The following C10orf90 variants were observed in gnomAD, a reference collection of about 807,000 sequenced individuals.
C10orf90 encodes the protein (E2-independent) E3 ubiquitin-conjugating enzyme FATS.
C10orf90 carries 56 observed loss-of-function variants against 62.5 expected under a neutral mutation model. That is an observed-to-expected ratio of 0.90 (90% CI 0.72 to 1.12). C10orf90 has a LOEUF of 1.12. C10orf90 is among the 50% of genes most tolerant of loss of function. The pLI is 0.00. For missense variants in C10orf90, 970 were observed against 880.4 expected (o/e 1.10, Z -1.29); for synonymous variants, 386 against 340.4 (o/e 1.13, Z -1.47).
rs377547684 is a variant in C10orf90, at chr10:126,604,902, T to C, written c.313+41663A>G. ...TCCATTAATGGATCTTGGGATTTGG[T>C]CATGTAGTCCCTGCATAAAATGTAG... On this transcript the variant is annotated intron_variant, in intron 2 of 9. Transcript: ENST00000488181. 5.3e-5 allele frequency among the ~76,000 whole-genome samples: 8 copies of C among 152,330 alleles called. No homozygotes were observed. In the South Asian group the frequency reaches 1.2e-3, roughly 24 times the overall value.
Position 126,642,336 on chromosome 10 carries a change from T to G in C10orf90, c.313+4229A>C, listed in dbSNP as rs183004865. ...TCACGAGGTCGGGAGATCGAGACCA[T>G]CCTGGCTAACATGGTGAAACCCCGT... is the stretch of plus-strand genomic sequence containing the variant. On this transcript the variant is annotated intron_variant, in intron 2 of 9. Transcript: ENST00000488181. 2.6e-5 allele frequency among the ~76,000 whole-genome samples: 4 copies of G among 152,090 alleles called. No individual in the cohort carries two copies. The East Asian group carries it at 5.8e-4, about 22-fold the overall frequency.
chr10:126,608,558 T>A (rs79786396), intron 2 of C10orf90, among the ~76,000 whole-genome samples: 5,663 of 152,310 alleles, frequency 0.037, 150 homozygotes, highest in Non-Finnish European at 0.056. Context: ...TCCACAATTA[T>A]CTGAAAAAGC....
chr10:126,515,754 G>A (rs1056372267), intron 2 of C10orf90, among the ~76,000 whole-genome samples: 7 of 152,168 alleles, frequency 4.6e-5, no homozygotes, highest in Non-Finnish European at 8.8e-5. Flanking sequence ...AAAAGGGTCA[G>A]GACATGGCTT....
chr10:126,641,319 T>C (rs1389557384), intron 2 of C10orf90, among the ~76,000 whole-genome samples: 1 of 152,190 alleles, frequency 6.6e-6, no homozygotes, highest in Non-Finnish European at 1.5e-5. Context: ...AGCAAATCAC[T>C]GCTTTTGTAA....
chr10:126,572,353 A>G (rs1469939055), intron 2 of C10orf90, among the ~76,000 whole-genome samples: 1 of 152,162 alleles, frequency 6.6e-6, no homozygotes, highest in Non-Finnish European at 1.5e-5. Context: ...GCGAGTCCAC[A>G]GTGCAAAGTG....
chr10:126,437,087 C>T (rs1177266206), intron 7 of C10orf90, among the ~76,000 whole-genome samples: 1 of 152,158 alleles, frequency 6.6e-6, no homozygotes, highest in African/African-American at 2.4e-5. Context: ...TCAATTCATC[C>T]TTACAGCAAC....
intron 2 of C10orf90, among the ~76,000 whole-genome samples, chr10:126,639,862 G>A (rs1846025453): frequency 6.6e-6 from 1 of 152,242 alleles, no homozygotes; most frequent in African/African-American, 2.4e-5. Flanking sequence ...AACTCATGGA[G>A]GGGGAAACAG....
chr10:126,459,432 C>T (rs765051216), intron 6 of C10orf90, among the ~76,000 whole-genome samples: 2 of 152,224 alleles, frequency 1.3e-5, no homozygotes, highest in African/African-American at 2.4e-5. Context: ...GCCTGGCCAG[C>T]GCCGAGGCCC....
At chr10:126,471,180 C>T (rs776527166) in intron 4 of C10orf90, among the ~76,000 whole-genome samples, 15 of 152,052 alleles carry the variant, frequency 9.9e-5, no homozygotes, top group South Asian at 2.1e-4. Flanking sequence ...CTGGAGCTGG[C>T]GCCACTGGGA....
intron 2 of C10orf90, among the ~76,000 whole-genome samples, chr10:126,564,016 C>T (rs892924632): frequency 6.6e-6 from 1 of 152,128 alleles, no homozygotes; most frequent in African/African-American, 2.4e-5. Context: ...GTGGCCTCCA[C>T]CCACTGGATG....
chr10:126,454,774 G>A (rs1233641960), intron 7 of C10orf90, among the ~76,000 whole-genome samples: 1 of 152,072 alleles, frequency 6.6e-6, no homozygotes, highest in East Asian at 1.9e-4. Flanking sequence ...TAATTCCCAG[G>A]TTATGGCCGG....
chr10:126,595,287 C>T (rs943498786), intron 2 of C10orf90, among the ~76,000 whole-genome samples: 1 of 152,260 alleles, frequency 6.6e-6, no homozygotes, highest in East Asian at 1.9e-4. Context: ...AATTGATATC[C>T]ATGAAGCTGA....
intron 8 of C10orf90, among the ~76,000 whole-genome samples, chr10:126,427,711 C>T (rs1290353524): frequency 6.6e-6 from 1 of 152,202 alleles, no homozygotes; most frequent in East Asian, 1.9e-4. Flanking sequence ...CTTGGGCTTG[C>T]ACCGGGGGCT....
At chr10:126,440,466 G>A (rs995779478) in intron 7 of C10orf90, among the ~76,000 whole-genome samples, 3 of 152,024 alleles carry the variant, frequency 2.0e-5, no homozygotes, top group African/African-American at 2.4e-5. Flanking sequence ...CCCTGGTATC[G>A]AACACAAAGG....
chr10:126,528,379 G>T (rs1316942740), intron 2 of C10orf90, among the ~76,000 whole-genome samples: 1 of 152,132 alleles, frequency 6.6e-6, no homozygotes, highest in Non-Finnish European at 1.5e-5. Context: ...AGCGTGTGTG[G>T]GAAGAAAGAG....
rs550747419 is a variant in C10orf90, at chr10:126,557,217, G to C, written c.314-43278C>G. Among the ~76,000 whole-genome samples, 4 of 152,016 alleles carry C rather than the reference G, an allele frequency of 2.6e-5. No individual in the cohort carries two copies. In the East Asian group the frequency reaches 5.9e-4, roughly 22 times the overall value. On this transcript the variant is annotated intron_variant, in intron 2 of 9. Coordinates refer to ENST00000488181, the MANE Select transcript of C10orf90 (RefSeq NM_001350921.2). ...ATAAATGTGGCCGGGTGCGGTGGCTGACACCTGTAAGCCCAGCACTTTGGG... is the reference window on the plus strand; with the variant it reads ...ATAAATGTGGCCGGGTGCGGTGGCTCACACCTGTAAGCCCAGCACTTTGGG...
chr10:126,653,240 T>C (rs1192993041), intron 1 of C10orf90, among the ~76,000 whole-genome samples: 1 of 152,224 alleles, frequency 6.6e-6, no homozygotes, highest in Non-Finnish European at 1.5e-5. Flanking sequence ...AATTGACTCT[T>C]CCTTTCACGA....
chr10:126,594,592 T>A (rs915606265), intron 2 of C10orf90, among the ~76,000 whole-genome samples: 1 of 152,110 alleles, frequency 6.6e-6, no homozygotes, highest in African/African-American at 2.4e-5. Flanking sequence ...AATAAATATA[T>A]AAATAAGTAA....
In C10orf90 at chr10:126,572,283, C is replaced by T. The variant is rs117375611; in HGVS notation, c.314-58344G>A. ...ACTGCTACACTCCTGTTACAGGAAA[C>T]GGGTCCTGATCCAGATCCCAAGAGT... On this transcript the variant is annotated intron_variant, in intron 2 of 9. Coordinates refer to ENST00000488181, the MANE Select transcript of C10orf90 (RefSeq NM_001350921.2). Among the ~76,000 whole-genome samples the T allele has an allele frequency of 9.0e-3, 1,363 of 152,196 alleles. 15 individuals are homozygous for T. The highest frequency in any genetic ancestry group is 0.015 in the Non-Finnish European group (996 of 68,016).
Sources: allele counts gnomAD v4.1 joint callset (sites outside exome capture counted in the v4.1 genomes callset), GRCh38; gene constraint gnomAD v4.1.1; transcripts MANE v1.5; gene names NCBI Gene and HGNC (gene_info 2026-07-23, HGNC 2026-07-21).